DNAAF5: variants seen among roughly 807,000 people sequenced by gnomAD.
DNAAF5 encodes the protein HEAT repeat containing 2.
A neutral mutation model predicts 75.8 loss-of-function variants in DNAAF5; 64 were observed. That is an observed-to-expected ratio of 0.84 (90% CI 0.69 to 1.04). The LOEUF (loss-of-function observed/expected upper bound fraction) is 1.04. Ranked by LOEUF, DNAAF5 falls within the 50% of genes least tolerant of loss-of-function variation. The pLI is 0.00. For synonymous variants in DNAAF5, 657 were observed against 557.2 expected (o/e 1.18, Z -2.52); for missense variants, 1,269 against 1,178.5 (o/e 1.08, Z -1.12).
chr7:781,598 C>G (rs901198480), intron 12 of DNAAF5, among the ~76,000 whole-genome samples: 5 of 138,664 alleles, frequency 3.6e-5, no homozygotes, highest in African/African-American at 1.2e-4. Context: ...CCAGACTGTT[C>G]TCCCAGCGGT....
chr7:729,749 A>T lies in DNAAF5; in HGVS notation c.682A>T (p.Ile228Phe). The change falls in exon 2 of 13, where the codon ATT (isoleucine) becomes TTT (phenylalanine). Residue 228 changes from isoleucine (I) to phenylalanine (F), a missense_variant. By Grantham distance (21) the Ile-to-Phe change is conservative. Transcript: ENST00000297440. ...HQHWKVRVAA[I>F]EATGAVIHFG... ...GCACTGGAAGGTCCGTGTGGCCGCC[A>T]TTGAAGCCACAGGCGCAGTGATCCA... 6.2e-7 allele frequency: 1 copy of T among 1,614,144 alleles called. No homozygotes were observed. The highest frequency in any genetic ancestry group is 8.5e-7 in the Non-Finnish European group (1 of 1,180,022).
rs538347330 is a variant in DNAAF5, at chr7:765,904, G to C, written c.1783+1930G>C. On this transcript the variant is annotated intron_variant, in intron 8 of 12. Transcript: ENST00000297440. ...AGAAATGGGGTCATATATGCTGCCA[G>C]GCTAGTCTTGAACTCCTGGGCTCAA... 1.1e-4 allele frequency among the ~76,000 whole-genome samples: 16 copies of C among 152,188 alleles called. No homozygotes were observed. The East Asian group carries it at 2.9e-3, about 28-fold the overall frequency.
chr7:785,792 A>T lies in DNAAF5; in HGVS notation c.*139A>T. The T allele has an allele frequency of 1.1e-6, 1 of 889,872 alleles. No individual in the cohort carries two copies. The highest frequency in any genetic ancestry group is 1.7e-6 in the Non-Finnish European group (1 of 603,564). The allele number at this position is 889,872 out of a possible 1,614,324, so 55.1% of individuals were successfully genotyped here. ...AATGTACTCCTCAGGACACCTGCCC[A>T]CTCTTTCCCTGGAATAACAGCCTCT... On this transcript the variant is annotated 3_prime_UTR_variant, in exon 13 of 13. Coordinates refer to ENST00000297440, the MANE Select transcript of DNAAF5 (RefSeq NM_017802.4).
At chr7:742,536 C>A (rs62432215) in intron 4 of DNAAF5, among the ~76,000 whole-genome samples, 6,607 of 7,062 alleles carry the variant, frequency 0.94, 3,155 homozygotes, top group East Asian at 0.99. Flanking sequence ...TGCCCAGCTC[C>A]AATCAATCAG....
intron 7 of DNAAF5, among the ~76,000 whole-genome samples, chr7:762,170 T>A (rs116102256): frequency 1.2e-3 from 189 of 152,314 alleles, no homozygotes; most frequent in African/African-American, 4.4e-3. Context: ...CCTTTAAACC[T>A]GCGCACTTGA....
chr7:762,564 A>G (rs1023910387), intron 7 of DNAAF5, among the ~76,000 whole-genome samples: 1 of 151,798 alleles, frequency 6.6e-6, no homozygotes, highest in Non-Finnish European at 1.5e-5. Context: ...CTCTCATTGC[A>G]GCACAGCGTT....
In DNAAF5 at chr7:729,838, C is replaced by A. The variant is rs757948608; in HGVS notation, c.771C>A (p.Asp257Glu). The part of the protein sequence containing the change: ...LSHFAQRLFD[D>E]VPQVRRAVAS... Reference sequence around the variant, plus strand: ...ATTTTGCTCAGCGACTGTTTGATGACGTCCCGCAGGTAACTGGTGTTTCTC... The same window carrying A: ...ATTTTGCTCAGCGACTGTTTGATGAAGTCCCGCAGGTAACTGGTGTTTCTC... The change falls in exon 2 of 13, where the codon GAC becomes GAA. Residue 257 changes from aspartate to glutamate, a missense_variant. By Grantham distance (45) the Asp-to-Glu change is conservative. Coordinates refer to ENST00000297440, the MANE Select transcript of DNAAF5 (RefSeq NM_017802.4). The A allele has an allele frequency of 1.2e-6, 2 of 1,614,136 alleles. No individual in the cohort carries two copies. Among genetic ancestry groups the A allele is most frequent in the East Asian group, 4.5e-5 (2 of 44,890 alleles).
intron 7 of DNAAF5, 37 bp downstream of exon 7, chr7:761,933 G>T: frequency 1.3e-6 from 2 of 1,546,174 alleles, no homozygotes; most frequent in Non-Finnish European, 1.7e-6. Flanking sequence ...TTGACCTAGC[G>T]GAGCTCACAG....
At position 727,498 on chromosome 7, in the gene DNAAF5, GC is replaced by G. The variant is rs902768492; in HGVS notation, c.595+188del. On this transcript the variant is annotated intron_variant, in intron 1 of 12. Transcript: ENST00000297440. ...CGCCTGCCCCAAAGCACCCCGCCCG[GC>G]CCCCTCCTCCCACCACCACTGCTTC... 2,433 of 289,212 alleles carry G rather than the reference GC, an allele frequency of 8.4e-3. 73 individuals are homozygous for G. Among genetic ancestry groups the G allele is most frequent in the East Asian group, 0.063 (1,156 of 18,236 alleles). The allele number at this position is 289,212 out of a possible 1,614,324, so 17.9% of individuals were successfully genotyped here.
intron 9 of DNAAF5, among the ~76,000 whole-genome samples, chr7:773,717 C>A (rs1222237154): frequency 3.3e-5 from 5 of 152,170 alleles, no homozygotes; most frequent in Admixed American, 3.3e-4. Context: ...AGGCGTCACT[C>A]AGGCCTCCTT....
Position 727,058 on chromosome 7 carries a change from C to T in DNAAF5, c.338C>T (p.Ala113Val), listed in dbSNP as rs1456604630. The T allele has an allele frequency of 9.3e-7, 1 of 1,072,188 alleles. No individual in the cohort carries two copies. Among genetic ancestry groups the T allele is most frequent in the Non-Finnish European group, 1.1e-6 (1 of 888,096 alleles). 66.4% of individuals were successfully genotyped at this position (1,072,188 alleles called of 1,614,324 possible). A position where few individuals can be genotyped will look rare whatever the true frequency, so the allele number is the denominator to read the frequency against. ...CGCCGCGCCGCGCGGCCCCGCGATG[C>T]CCTGCCGCGCCTGCTGCCCGCGCTC... ...GLRRAARPRD[A>V]LPRLLPALAA... is the part of the protein sequence containing the mutation. Residue 113 changes from alanine to valine, a missense_variant, in exon 1 of 13, where the codon GCC (alanine) becomes GTC (valine). Ala to Val is a moderately conservative substitution (Grantham distance 64). Coordinates refer to ENST00000297440, the MANE Select transcript of DNAAF5 (RefSeq NM_017802.4).
In DNAAF5 at chr7:741,477, C is replaced by A. The variant is rs371766301; in HGVS notation, c.1024+12C>A. The stretch of plus-strand genomic sequence containing the variant: ...TTACCCTCCACATGGTGAGTGACCG[C>A]GGCAGAGGGGAGCGCCAGGAGGCGA... On this transcript the variant is annotated intron_variant, in intron 4 of 12. Transcript: ENST00000297440. 576 of 1,485,024 alleles carry A rather than the reference C, an allele frequency of 3.9e-4. No homozygotes were observed. The highest frequency in any genetic ancestry group is 4.9e-4 in the Non-Finnish European group (533 of 1,082,122). 92.0% of individuals were successfully genotyped at this position (1,485,024 alleles called of 1,614,324 possible). A position where few individuals can be genotyped will look rare whatever the true frequency, so the allele number is the denominator to read the frequency against.
At chr7:735,361 T>C (rs1406305310) in intron 2 of DNAAF5, among the ~76,000 whole-genome samples, 1 of 151,390 alleles carries the variant, frequency 6.6e-6, no homozygotes, top group Non-Finnish European at 1.5e-5. Flanking sequence ...CATGGTGTCG[T>C]TGCTCATATT....
chr7:734,397 T>C (rs901397420), intron 2 of DNAAF5, among the ~76,000 whole-genome samples: 2 of 152,248 alleles, frequency 1.3e-5, no homozygotes, highest in African/African-American at 4.8e-5. Flanking sequence ...ATGTGTCACA[T>C]TGATGGATTT....
chr7:741,457 C>A lies in DNAAF5; in HGVS notation c.1016C>A (p.Pro339His). The change falls in exon 4 of 13, where the codon CCT becomes CAT. Residue 339 changes from proline (P) to histidine (H), a missense_variant. By Grantham distance (77) the Pro-to-His change is moderately conservative (BLOSUM62 -2). Coordinates refer to ENST00000297440, the MANE Select transcript of DNAAF5 (RefSeq NM_017802.4). Reference sequence around the variant, plus strand: ...GCCCCTCCCACCCCACCCCATTACCCTCCACATGGTGAGTGACCGCGGCAG... The same window carrying A: ...GCCCCTCCCACCCCACCCCATTACCATCCACATGGTGAGTGACCGCGGCAG... ...DFAPPTPPHYPPHERRPVLGC... is the reference protein window; with the variant it reads ...DFAPPTPPHYHPHERRPVLGC... The A allele has an allele frequency of 6.5e-7, 1 of 1,548,936 alleles. No homozygotes were observed. Among genetic ancestry groups the A allele is most frequent in the Non-Finnish European group, 8.8e-7 (1 of 1,139,302 alleles).
chr7:750,200 G>C (rs1463089184), intron 4 of DNAAF5, among the ~76,000 whole-genome samples: 1 of 152,232 alleles, frequency 6.6e-6, no homozygotes, highest in African/African-American at 2.4e-5. Flanking sequence ...GTTGAGTGCA[G>C]TCACCTGCTG....
rs191805191 is a variant in DNAAF5 at position 782,419 on chromosome 7, C to T, written c.2431+2275C>T. The stretch of plus-strand genomic sequence containing the variant: ...CCCGGCGTGGCCGCCTCCCCTCACG[C>T]GGCGTCAGAAACTCGCATCTTCCTG... On this transcript the variant is annotated intron_variant, in intron 12 of 12. Coordinates refer to ENST00000297440, the MANE Select transcript of DNAAF5 (RefSeq NM_017802.4). 1.4e-4 allele frequency among the ~76,000 whole-genome samples: 20 copies of T among 145,536 alleles called. 1 individual carries two copies. The East Asian group carries it at 1.9e-3, about 14-fold the overall frequency.
intron 4 of DNAAF5, among the ~76,000 whole-genome samples, chr7:744,011 C>T (rs1246358536): frequency 6.6e-6 from 1 of 151,030 alleles, no homozygotes; most frequent in African/African-American, 2.4e-5. Flanking sequence ...CATATGTATA[C>T]ATGTGCCATG....
At chr7:748,615 C>T (rs114034302) in intron 4 of DNAAF5, among the ~76,000 whole-genome samples, 1,620 of 152,290 alleles carry the variant, frequency 0.011, 32 homozygotes, top group African/African-American at 0.037. Flanking sequence ...CCCATCCCCC[C>T]TGCTCTGTTT....
Sources: allele counts gnomAD v4.1 joint callset (sites outside exome capture counted in the v4.1 genomes callset), GRCh38; gene constraint gnomAD v4.1.1; transcripts MANE v1.5; gene names NCBI Gene and HGNC (gene_info 2026-07-23, HGNC 2026-07-21).